SPOCK3: variants seen among roughly 807,000 people sequenced by gnomAD.
The protein encoded by SPOCK3 is SPARC (osteonectin), cwcv and kazal like domains proteoglycan 3, also known as testican-3.
Under a neutral mutation model 56.6 loss-of-function variants are expected in SPOCK3, and 30 were observed. The ratio of observed to expected loss-of-function variants is 0.53; its 90% CI spans 0.40 to 0.72. The LOEUF is 0.72. Among genes scored for constraint, SPOCK3 ranks in the 30% least tolerant of loss-of-function variants. The pLI is 0.00. For synonymous variants in SPOCK3, 196 were observed against 183.3 expected, an observed-to-expected ratio of 1.07 and a Z score of -0.56; for missense variants, 527 against 530.0, an observed-to-expected ratio of 0.99 and a Z score of 0.06.
chr4:166,833,199 A>G (rs1035794774), intron 6 of SPOCK3, among the ~76,000 whole-genome samples: 1 of 152,136 alleles, frequency 6.6e-6, no homozygotes, highest in Admixed American at 6.5e-5. Context: ...TAGTTCAATT[A>G]TATTTTTGTC....
At chr4:166,969,571 C>T (rs1051877376) in intron 4 of SPOCK3, among the ~76,000 whole-genome samples, 7 of 130,130 alleles carry the variant, frequency 5.4e-5, no homozygotes, top group African/African-American at 1.4e-4. Flanking sequence ...TTAGCACTTC[C>T]CCCTTAATTC....
At chr4:167,014,029 T>C (rs1025021974) in intron 3 of SPOCK3, among the ~76,000 whole-genome samples, 1 of 152,192 alleles carries the variant, frequency 6.6e-6, no homozygotes, top group African/African-American at 2.4e-5. Flanking sequence ...TACAGGCACA[T>C]AGAAAGCATT....
At position 167,223,204 on chromosome 4, in the gene SPOCK3, AT is replaced by A. The variant is rs1736230111; in HGVS notation, c.189+10780del. On this transcript the variant is annotated intron_variant, in intron 2 of 10. Transcript: ENST00000357545. Reference sequence around the variant, plus strand: ...TATATTTTATATATGAATAATGTATATTTTATATGTGAATATATAATATATA... The same window carrying A: ...TATATTTTATATATGAATAATGTATATTTATATGTGAATATATAATATATA... Among the ~76,000 whole-genome samples, 3 of 135,908 alleles carry A rather than the reference AT, an allele frequency of 2.2e-5. No homozygotes were observed. The South Asian group carries it at 6.5e-4, about 30-fold the overall frequency. 89.2% of individuals were successfully genotyped at this position (135,908 alleles called of 152,430 possible).
intron 3 of SPOCK3, among the ~76,000 whole-genome samples, chr4:167,056,873 T>C (rs1473128087): frequency 6.6e-6 from 1 of 152,100 alleles, no homozygotes; most frequent in Non-Finnish European, 1.5e-5. Flanking sequence ...CAGGATATTA[T>C]CCAGGAGAAC....
intron 4 of SPOCK3, among the ~76,000 whole-genome samples, chr4:166,940,893 G>T (rs779338548): frequency 6.7e-6 from 1 of 149,454 alleles, no homozygotes; most frequent in Non-Finnish European, 1.5e-5. Context: ...GAAGTTTCCC[G>T]AGTGCTGATC....
At chr4:166,921,548 C>A (rs930355997) in intron 4 of SPOCK3, among the ~76,000 whole-genome samples, 1 of 152,080 alleles carries the variant, frequency 6.6e-6, no homozygotes, top group African/African-American at 2.4e-5. Flanking sequence ...AATCTCTTGA[C>A]CTTGTGATCC....
intron 2 of SPOCK3, among the ~76,000 whole-genome samples, chr4:167,151,433 TTC>T (rs1479359736): frequency 9.1e-6 from 1 of 110,246 alleles, no homozygotes; most frequent in Admixed American, 1.3e-4. Flanking sequence ...TTCCTTTTTT[TTC>T]TTTTTTTTTT....
At chr4:166,855,993 G>A (rs1441715797) in intron 6 of SPOCK3, among the ~76,000 whole-genome samples, 2 of 152,164 alleles carry the variant, frequency 1.3e-5, no homozygotes, top group Admixed American at 1.3e-4. Context: ...ATGTAGGGGA[G>A]ATTATGTTAA....
At chr4:166,876,759 T>G (rs1246808331) in intron 6 of SPOCK3, among the ~76,000 whole-genome samples, 2 of 152,134 alleles carry the variant, frequency 1.3e-5, no homozygotes, top group African/African-American at 4.8e-5. Flanking sequence ...GTTAAATATT[T>G]AAGTGTAAAA....
chr4:167,113,723 G>A (rs1290176212), intron 2 of SPOCK3, among the ~76,000 whole-genome samples: 1 of 152,080 alleles, frequency 6.6e-6, no homozygotes, highest in African/African-American at 2.4e-5. Context: ...GAAGCAGGAT[G>A]TAATGGTACC....
At chr4:167,038,902 T>C (rs1345768511) in intron 3 of SPOCK3, among the ~76,000 whole-genome samples, 1 of 152,144 alleles carries the variant, frequency 6.6e-6, no homozygotes, top group African/African-American at 2.4e-5. Flanking sequence ...AGCAATTATA[T>C]AAATTTAAAA....
chr4:166,843,995 A>G (rs1747787081), intron 6 of SPOCK3, among the ~76,000 whole-genome samples: 1 of 152,122 alleles, frequency 6.6e-6, no homozygotes. Flanking sequence ...CAGGTATGTG[A>G]ATGTGTCCAT....
At chr4:167,165,234 T>C (rs1765656238) in intron 2 of SPOCK3, among the ~76,000 whole-genome samples, 1 of 151,962 alleles carries the variant, frequency 6.6e-6, no homozygotes, top group Non-Finnish European at 1.5e-5. Flanking sequence ...ACTAAAGAGC[T>C]TCTGCACAGC....
At chr4:167,130,608 C>T (rs1762627486) in intron 2 of SPOCK3, among the ~76,000 whole-genome samples, 1 of 151,980 alleles carries the variant, frequency 6.6e-6, no homozygotes, top group South Asian at 2.1e-4. Flanking sequence ...CAGCAGTTTG[C>T]AACTAAACAC....
intron 6 of SPOCK3, among the ~76,000 whole-genome samples, chr4:166,877,604 TA>T (rs1352340229): frequency 6.6e-6 from 1 of 152,046 alleles, no homozygotes; most frequent in Non-Finnish European, 1.5e-5. Flanking sequence ...AAGCAGGAGG[TA>T]AAATGTTTCC....
chr4:167,046,898 A>G (rs1407735612), intron 3 of SPOCK3, among the ~76,000 whole-genome samples: 1 of 152,232 alleles, frequency 6.6e-6, no homozygotes, highest in Non-Finnish European at 1.5e-5. Context: ...GTGGGGAGAC[A>G]GAAGCAAAGA....
At chr4:166,948,904 G>C (rs1742136559) in intron 4 of SPOCK3, among the ~76,000 whole-genome samples, 1 of 152,012 alleles carries the variant, frequency 6.6e-6, no homozygotes, top group African/African-American at 2.4e-5. Flanking sequence ...TGCTAGATTG[G>C]GGAAGTTCTC....
chr4:166,840,626 G>T (rs1016542531), intron 6 of SPOCK3, among the ~76,000 whole-genome samples: 1 of 151,892 alleles, frequency 6.6e-6, no homozygotes, highest in African/African-American at 2.4e-5. Flanking sequence ...CCTATTCCTT[G>T]GTTCCTGAGG....
intron 6 of SPOCK3, among the ~76,000 whole-genome samples, chr4:166,877,891 T>C (rs1163918575): frequency 6.6e-6 from 1 of 152,154 alleles, no homozygotes; most frequent in East Asian, 1.9e-4. Context: ...ACAGAAAAGA[T>C]TAATTAGTAA....
Sources: allele counts gnomAD v4.1 joint callset (sites outside exome capture counted in the v4.1 genomes callset), GRCh38; gene constraint gnomAD v4.1.1; transcripts MANE v1.5; gene names NCBI Gene and HGNC (gene_info 2026-07-23, HGNC 2026-07-21).